Variants in TEKT5 observed in about 807,000 individuals in gnomAD.
TEKT5 encodes tektin 5.
Under a neutral mutation model 48.7 loss-of-function variants are expected in TEKT5, and 52 were observed. The observed-to-expected ratio is 1.07, with a 90% CI of 0.86 to 1.35. The LOEUF (loss-of-function observed/expected upper bound fraction) is 1.35. Among genes scored for constraint, TEKT5 ranks in the 40% most tolerant of loss-of-function variants. TEKT5 has a pLI of 0.00. For missense variants in TEKT5, 831 were observed against 641.6 expected, an observed-to-expected ratio of 1.30 and a Z score of -3.19; for synonymous variants, 318 against 267.6, an observed-to-expected ratio of 1.19 and a Z score of -1.84.
chr16:10,630,521 GAAGA>G (rs1567223016), intron 6 of TEKT5, among the ~76,000 whole-genome samples: 1 of 152,226 alleles, frequency 6.6e-6, no homozygotes, highest in Non-Finnish European at 1.5e-5. Context: ...TTTGAGCAGA[GAAGA>G]AAGATAAGAC....
At chr16:10,683,298 G>A (rs1484191865) in intron 3 of TEKT5, among the ~76,000 whole-genome samples, 1 of 151,082 alleles carries the variant, frequency 6.6e-6, no homozygotes, top group Non-Finnish European at 1.5e-5. Context: ...CAGGGGCTAC[G>A]TGAGGACAGG....
At chr16:10,671,694 G>T (rs977189467) in intron 5 of TEKT5, 5 of 152,204 alleles carry the variant, frequency 3.3e-5, no homozygotes, top group African/African-American at 1.2e-4. Context: ...GAGAAAAAGA[G>T]ATTTAATGGA....
At chr16:10,691,925 G>A (rs1249483576) in intron 1 of TEKT5, among the ~76,000 whole-genome samples, 1 of 140,594 alleles carries the variant, frequency 7.1e-6, no homozygotes, top group Non-Finnish European at 1.5e-5. Flanking sequence ...TCCAGCCTGG[G>A]CAACAGAGCG....
At chr16:10,663,251 G>A (rs1022836693) in intron 5 of TEKT5, among the ~76,000 whole-genome samples, 2 of 152,200 alleles carry the variant, frequency 1.3e-5, no homozygotes, top group African/African-American at 4.8e-5. Flanking sequence ...GTTTGGCAGG[G>A]TTGTTCACCA....
At chr16:10,642,099 G>A (rs749141392) in intron 5 of TEKT5, among the ~76,000 whole-genome samples, 13 of 152,232 alleles carry the variant, frequency 8.5e-5, no homozygotes, top group Non-Finnish European at 1.5e-4. Context: ...CGTGCCCCTG[G>A]CCAAATCTCT....
intron 5 of TEKT5, among the ~76,000 whole-genome samples, chr16:10,639,061 T>G (rs1342651439): frequency 6.6e-6 from 1 of 152,192 alleles, no homozygotes; most frequent in East Asian, 1.9e-4. Context: ...TCCCAACATT[T>G]TGGGAGGCCA....
intron 5 of TEKT5, among the ~76,000 whole-genome samples, chr16:10,644,741 T>C (rs1898045079): frequency 1.3e-5 from 2 of 152,324 alleles, no homozygotes; most frequent in Admixed American, 6.5e-5. Flanking sequence ...TGGTGCAGCA[T>C]TAGGGTTACC....
intron 6 of TEKT5, among the ~76,000 whole-genome samples, chr16:10,629,963 G>C (rs1360523000): frequency 6.6e-6 from 1 of 152,034 alleles, no homozygotes; most frequent in Non-Finnish European, 1.5e-5. Flanking sequence ...TTTTGAGACA[G>C]AGTCTCACTC....
intron 5 of TEKT5, among the ~76,000 whole-genome samples, chr16:10,667,110 A>T (rs1438374129): frequency 6.6e-6 from 1 of 151,520 alleles, no homozygotes; most frequent in East Asian, 1.9e-4. Flanking sequence ...CAGCCTCCCA[A>T]GTAGCTGGGA....
chr16:10,674,006 T>C (rs1898596638), intron 5 of TEKT5, among the ~76,000 whole-genome samples: 1 of 152,020 alleles, frequency 6.6e-6, no homozygotes, highest in Admixed American at 6.6e-5. Context: ...AGAAAAGAAA[T>C]CAACAAAAGG....
chr16:10,631,953 T>C (rs1363290351), intron 6 of TEKT5, among the ~76,000 whole-genome samples: 1 of 152,198 alleles, frequency 6.6e-6, no homozygotes, highest in Non-Finnish European at 1.5e-5. Flanking sequence ...GGGAAATGAA[T>C]GCGGCAAGGT....
chr16:10,663,843 A>C (rs1047502193), intron 5 of TEKT5, among the ~76,000 whole-genome samples: 2 of 152,218 alleles, frequency 1.3e-5, no homozygotes, highest in African/African-American at 4.8e-5. Flanking sequence ...CTGGTTGGGA[A>C]CCACTACTCC....
chr16:10,694,546 G>C lies in TEKT5; in HGVS notation c.328C>G (p.Leu110Val), dbSNP rs1056250704. 6.2e-7 allele frequency: 1 copy of C among 1,605,928 alleles called. No homozygotes were observed. Residue 110 changes from leucine (L) to valine (V), a missense_variant, in exon 1 of 7, where the codon CTG becomes GTG. Physicochemically the swap from Leu to Val is conservative, Grantham distance 32. Transcript: ENST00000283025. ...LQVRGAEASRLWASRLTDDSM... is the reference protein window; with the variant it reads ...LQVRGAEASRVWASRLTDDSM... ...TCATCCGTCAGCCGGCTGGCCCACA[G>C]CCGGGAGGCCTCGGCCCCACGCACC...
At chr16:10,655,242 C>T (rs1898241178) in intron 5 of TEKT5, among the ~76,000 whole-genome samples, 1 of 152,106 alleles carries the variant, frequency 6.6e-6, no homozygotes, top group African/African-American at 2.4e-5. Flanking sequence ...TACAAACAGC[C>T]TCCAACCATA....
chr16:10,643,606 G>C (rs920940161), intron 5 of TEKT5, among the ~76,000 whole-genome samples: 2 of 152,116 alleles, frequency 1.3e-5, no homozygotes, highest in Admixed American at 6.5e-5. Context: ...CACGTAACAT[G>C]CACCAGATTT....
At position 10,647,866 on chromosome 16, in the gene TEKT5, G is replaced by C. The variant is rs1441456347; in HGVS notation, c.1087-11948C>G. Among the ~76,000 whole-genome samples the C allele has an allele frequency of 2.0e-5, 3 of 152,234 alleles. 1 individual carries two copies. The highest frequency in any genetic ancestry group is 2.9e-5 in the Non-Finnish European group (2 of 68,050). Reference sequence around the variant, plus strand: ...GAGCACCTACTTAGTGCCAAGCACTGTTCTAGGCAGTGGATCCGAGTAACC... The same window carrying C: ...GAGCACCTACTTAGTGCCAAGCACTCTTCTAGGCAGTGGATCCGAGTAACC... On this transcript the variant is annotated intron_variant, in intron 5 of 6. Coordinates refer to ENST00000283025, the MANE Select transcript of TEKT5 (RefSeq NM_144674.2).
chr16:10,694,611 C>A lies in TEKT5; in HGVS notation c.263G>T (p.Arg88Leu), dbSNP rs768273976. The A allele has an allele frequency of 2.5e-6, 4 of 1,610,618 alleles. No individual in the cohort carries two copies. The highest frequency in any genetic ancestry group is 2.5e-6 in the Non-Finnish European group (3 of 1,178,272). Residue 88 changes from arginine to leucine, a missense_variant, in exon 1 of 7, where the codon CGC (arginine) becomes CTC (leucine). By Grantham distance (102) the Arg-to-Leu change is moderately radical. Coordinates refer to ENST00000283025, the MANE Select transcript of TEKT5 (RefSeq NM_144674.2). Reference protein sequence around the residue: ...LPTLRSALFSRYSPHDWDQSN... With the variant: ...LPTLRSALFSLYSPHDWDQSN... ...CTGGTCCCAGTCGTGGGGGCTATAG[C>A]GAGAGAAGAGTGCGGAGCGCAGTGT...
chr16:10,694,661 G>A lies in TEKT5; in HGVS notation c.213C>T (p.Thr71=), dbSNP rs749722989. Residue 71 remains threonine (T), a synonymous_variant, in exon 1 of 7, where the codon ACC becomes ACT. Coordinates refer to ENST00000283025, the MANE Select transcript of TEKT5 (RefSeq NM_144674.2). ...VQTCPDESTS[T]LRPPTILPTL... is the part of the protein sequence containing the mutation. ...TGGGCAGGATGGTGGGCGGCCGCAGGGTACTGGTGCTCTCGTCCGGGCAGG... is the reference window on the plus strand; with the variant it reads ...TGGGCAGGATGGTGGGCGGCCGCAGAGTACTGGTGCTCTCGTCCGGGCAGG... 6.2e-7 allele frequency: 1 copy of A among 1,613,318 alleles called. No homozygotes were observed. Among genetic ancestry groups the A allele is most frequent in the Non-Finnish European group, 8.5e-7 (1 of 1,179,592 alleles).
chr16:10,690,943 T>A (rs977232380), intron 1 of TEKT5, among the ~76,000 whole-genome samples: 2 of 152,172 alleles, frequency 1.3e-5, no homozygotes, highest in African/African-American at 4.8e-5. Flanking sequence ...GCCCCTTCTG[T>A]GAGACATGCT....
Sources: gnomAD v4.1 joint callset for allele counts (sites outside exome capture counted in the v4.1 genomes callset) on GRCh38, gnomAD v4.1.1 for gene constraint, MANE v1.5 for transcripts, NCBI Gene and HGNC (gene_info 2026-07-23, HGNC 2026-07-21) for gene names.